DNAH5: variants seen among roughly 807,000 people sequenced by gnomAD.
The protein encoded by DNAH5 is dynein axonemal heavy chain 5.
Under a neutral mutation model 518.2 loss-of-function variants are expected in DNAH5, and 372 were observed. The ratio of observed to expected loss-of-function variants is 0.72; its 90% CI spans 0.66 to 0.78. The LOEUF is 0.78. Among genes scored for constraint, DNAH5 ranks in the 30% least tolerant of loss-of-function variants. The probability of loss-of-function intolerance (pLI) is 0.00; values close to 1 mark genes in which losing one functional copy is unlikely to be tolerated. For missense variants in DNAH5, 5,523 were observed against 5,687.0 expected, an observed-to-expected ratio of 0.97 and a Z score of 0.93; for synonymous variants, 2,039 against 2,025.9, an observed-to-expected ratio of 1.01 and a Z score of -0.17.
rs1450747465 is a variant in DNAH5, at chr5:13,700,741, T to G, written c.13622A>C (p.Glu4541Ala). The G allele has an allele frequency of 6.2e-7, 1 of 1,614,044 alleles. No homozygotes were observed. Among genetic ancestry groups the G allele is most frequent in the Non-Finnish European group, 8.5e-7 (1 of 1,180,014 alleles). ...GTTCCTCTTGTCCCAGCCAGCACCTTCAAGATATAAGCCATAGACATAGAC... is the reference window on the plus strand; with the variant it reads ...GTTCCTCTTGTCCCAGCCAGCACCTGCAAGATATAAGCCATAGACATAGAC... ...EGVYVYGLYL[E>A]GAGWDKRNMK... Residue 4541 changes from glutamate (E) to alanine (A), a missense_variant, in exon 78 of 79, where the codon GAA (glutamate) becomes GCA (alanine). This residue lies in a region of DNAH5 where 387 missense variants were observed against 430.0 expected (regional missense o/e 0.90). Transcript: ENST00000265104.
chr5:13,708,089 T>C lies in DNAH5; in HGVS notation c.13338+34A>G, dbSNP rs373501798. The C allele has an allele frequency of 2.5e-6, 4 of 1,602,814 alleles. No individual in the cohort carries two copies. In the South Asian group the frequency reaches 3.3e-5, roughly 13 times the overall value. On this transcript the variant is annotated intron_variant, in intron 76 of 78. Coordinates refer to ENST00000265104, the MANE Select transcript of DNAH5 (RefSeq NM_001369.3). The stretch of plus-strand genomic sequence containing the variant: ...AATTACAACTCTTCACAATCATAAG[T>C]GAACAGGCAGAATAACAGCAGGCTT...
Position 13,841,007 on chromosome 5 carries a change from A to G in DNAH5, c.5608T>C (p.Leu1870=), listed in dbSNP as rs763656985. 3.2e-5 allele frequency: 51 copies of G among 1,614,072 alleles called. No individual in the cohort carries two copies. The East Asian group carries it at 7.6e-4, about 24-fold the overall frequency. ...AGATCCCTCGTGGTGACGTCTATCA[A>G]TGTATTGAGTAGCTCCAGGAAAGCC... ...NQAFLELLNT[L]IDVTTRDLSS... The change falls in exon 34 of 79, where the codon TTG becomes CTG. Residue 1870 remains leucine, a synonymous_variant. Coordinates refer to ENST00000265104, the MANE Select transcript of DNAH5 (RefSeq NM_001369.3).
At chr5:13,868,323 C>T (rs1769585144) in intron 24 of DNAH5, among the ~76,000 whole-genome samples, 2 of 152,154 alleles carry the variant, frequency 1.3e-5, no homozygotes, top group African/African-American at 4.8e-5. Context: ...TGTATTTGAT[C>T]ACTACAAAAT....
At chr5:13,916,575 T>C (rs960085582) in intron 8 of DNAH5, 120 bp from the exon 9 acceptor site, 5 of 542,242 alleles carry the variant, frequency 9.2e-6, no homozygotes, top group Admixed American at 8.5e-5. Context: ...GATTTAAAAA[T>C]ACTATTTAAT....
At chr5:13,931,455 C>T (rs900048702) in intron 1 of DNAH5, among the ~76,000 whole-genome samples, 1 of 152,036 alleles carries the variant, frequency 6.6e-6, no homozygotes, top group Non-Finnish European at 1.5e-5. Context: ...TGTGAAATTG[C>T]AGAATACAGA....
chr5:13,794,761 C>T (rs111661036), intron 47 of DNAH5, among the ~76,000 whole-genome samples: 2,074 of 152,128 alleles, frequency 0.014, 49 homozygotes, highest in African/African-American at 0.044. Context: ...GTCAGGAGAT[C>T]GAGACCATCC....
upstream of DNAH5, among the ~76,000 whole-genome samples, chr5:13,947,237 G>A (rs1364377576): frequency 2.0e-5 from 3 of 152,070 alleles, no homozygotes; most frequent in Admixed American, 6.6e-5. Flanking sequence ...TTACCTTTAC[G>A]CTTACATTCC....
At position 13,882,722 on chromosome 5, in the gene DNAH5, A is replaced by G. The variant is rs778275684; in HGVS notation, c.3262+6T>C. 2.5e-6 allele frequency: 4 copies of G among 1,606,974 alleles called. No homozygotes were observed. The South Asian group carries it at 4.4e-5, about 18-fold the overall frequency. On this transcript the variant is annotated splice_donor_region_variant and intron_variant, in intron 21 of 78. Transcript: ENST00000265104. ...GCCTCTTTTAAAAGACTAAAAGAAC[A>G]TTTACCTTGAAGTTCATTTTCTCCC...
rs1328157249 is a variant in DNAH5, at chr5:13,766,099, T to A, written c.9978A>T (p.Val3326=). Residue 3326 remains valine, a synonymous_variant, in exon 59 of 79, where the codon GTA becomes GTT. Transcript: ENST00000265104. ...TGACTTTCCTTTGAAACAGCAGCAG[T>A]ACGCAATCCATGATCCGCATGATGA... is the stretch of plus-strand genomic sequence containing the variant. ...PHLIMRIMDC[V]LLLFQRKVSA... 1 of 1,614,172 alleles carries A rather than the reference T, an allele frequency of 6.2e-7. No individual in the cohort carries two copies. The highest frequency in any genetic ancestry group is 1.7e-5 in the Admixed American group (1 of 60,024).
chr5:13,853,250 C>G (rs573350264), intron 30 of DNAH5, among the ~76,000 whole-genome samples: 2 of 152,312 alleles, frequency 1.3e-5, no homozygotes, highest in Admixed American at 6.5e-5. Context: ...GGAACCCCAG[C>G]AAACTCCAGA....
At chr5:13,907,035 C>T (rs1189841393) in intron 12 of DNAH5, among the ~76,000 whole-genome samples, 1 of 152,126 alleles carries the variant, frequency 6.6e-6, no homozygotes, top group Admixed American at 6.5e-5. Flanking sequence ...TCCAAAGCTG[C>T]TCTTTGGGAA....
At chr5:13,839,060 G>C (rs1764804934) in intron 35 of DNAH5, among the ~76,000 whole-genome samples, 1 of 151,442 alleles carries the variant, frequency 6.6e-6, no homozygotes, top group African/African-American at 2.4e-5. Flanking sequence ...GGCCCACTGT[G>C]ATTTGCACCT....
chr5:13,921,477 A>C (rs374773088), intron 5 of DNAH5, among the ~76,000 whole-genome samples: 17 of 74,204 alleles, frequency 2.3e-4, no homozygotes, highest in African/African-American at 9.3e-4. Flanking sequence ...TCTCTCTCTC[A>C]CACACACACA....
intron 68 of DNAH5, among the ~76,000 whole-genome samples, chr5:13,732,885 T>A (rs115045928): frequency 1.2e-3 from 183 of 152,322 alleles, no homozygotes; most frequent in African/African-American, 4.2e-3. Context: ...AGAGTTTATA[T>A]CACCAGGTAG....
intron 31 of DNAH5, among the ~76,000 whole-genome samples, chr5:13,845,552 A>G (rs1296233942): frequency 1.3e-5 from 2 of 152,050 alleles, no homozygotes; most frequent in Non-Finnish European, 2.9e-5. Context: ...GGAGTTTCCA[A>G]AATCCACTGA....
In DNAH5 at chr5:13,793,970, A is replaced by T; in HGVS notation, c.7976T>A (p.Val2659Glu). The T allele has an allele frequency of 1.9e-6, 3 of 1,614,134 alleles. No individual in the cohort carries two copies. The highest frequency in any genetic ancestry group is 1.7e-6 in the Non-Finnish European group (2 of 1,179,978). Reference sequence around the variant, plus strand: ...CCACTCATTGATTATTGGCATATTCACATCATCAATAAAAACAGTCATCTT... The same window carrying T: ...CCACTCATTGATTATTGGCATATTCTCATCATCAATAAAAACAGTCATCTT... ...GKKMTVFIDD[V>E]NMPIINEWGD... Residue 2659 changes from valine (V) to glutamate (E), a missense_variant, in exon 48 of 79, where the codon GTG (valine) becomes GAG (glutamate). Coordinates refer to ENST00000265104, the MANE Select transcript of DNAH5 (RefSeq NM_001369.3).
chr5:13,701,774 C>CA (rs1182105565), intron 76 of DNAH5, among the ~76,000 whole-genome samples: 1 of 152,044 alleles, frequency 6.6e-6, no homozygotes, highest in Non-Finnish European at 1.5e-5. Context: ...GGAATCAAAA[C>CA]AATTTATTGG....
At chr5:13,733,949 G>C (rs960546953) in intron 68 of DNAH5, among the ~76,000 whole-genome samples, 2 of 151,992 alleles carry the variant, frequency 1.3e-5, no homozygotes, top group African/African-American at 4.8e-5. Flanking sequence ...TATACTAGAT[G>C]AATCTATTTA....
intron 27 of DNAH5, 84 bp downstream of exon 27, chr5:13,865,584 G>T: frequency 2.4e-6 from 2 of 843,018 alleles, no homozygotes; most frequent in Non-Finnish European, 4.2e-6. Flanking sequence ...AAATAGCTGG[G>T]GTGAAAAGAG....
Sources: allele counts gnomAD v4.1 joint callset (sites outside exome capture counted in the v4.1 genomes callset), GRCh38; gene constraint gnomAD v4.1.1; regional missense constraint gnomAD v4.1.1; transcripts MANE v1.5; gene names NCBI Gene and HGNC (gene_info 2026-07-23, HGNC 2026-07-21).